AFF3: variants seen among roughly 807,000 people sequenced by gnomAD.
The protein encoded by AFF3 is AF4/FMR2 family member 3.
Under a neutral mutation model 129.7 loss-of-function variants are expected in AFF3, and 32 were observed. The ratio of observed to expected loss-of-function variants is 0.25; its 90% CI spans 0.19 to 0.33. The LOEUF is 0.33. Ranked by LOEUF, AFF3 falls within the 10% of genes least tolerant of loss-of-function variation. The probability of loss-of-function intolerance (pLI) is 1.00; values close to 1 mark genes in which losing one functional copy is unlikely to be tolerated. For synonymous variants in AFF3, 644 were observed against 635.4 expected, an observed-to-expected ratio of 1.01 and a Z score of -0.20; for missense variants, 1,373 against 1,592.0, an observed-to-expected ratio of 0.86 and a Z score of 2.34.
At chr2:100,023,452 A>T (rs1028506551) in intron 4 of AFF3, among the ~76,000 whole-genome samples, 13 of 152,196 alleles carry the variant, frequency 8.5e-5, no homozygotes, top group Non-Finnish European at 1.3e-4. Flanking sequence ...TTTCTGGGAA[A>T]CATACTAGAA....
At chr2:99,940,136 A>G (rs1202005251) in intron 7 of AFF3, among the ~76,000 whole-genome samples, 1 of 152,202 alleles carries the variant, frequency 6.6e-6, no homozygotes, top group Non-Finnish European at 1.5e-5. Context: ...CAGGGTTTCC[A>G]GACATGTGTG....
chr2:99,815,672 T>C (rs893478615), intron 8 of AFF3, among the ~76,000 whole-genome samples: 8 of 152,182 alleles, frequency 5.3e-5, no homozygotes, highest in African/African-American at 1.9e-4. Context: ...GTCTGAAGCA[T>C]ATTTTTGCTG....
intron 18 of AFF3, among the ~76,000 whole-genome samples, chr2:99,576,515 CAAAAAAA>C (rs776848009): frequency 1.6e-5 from 1 of 63,084 alleles, no homozygotes; most frequent in African/African-American, 6.2e-5. Flanking sequence ...GACCCTGTCT[CAAAAAAA>C]AAAAAAAAAA....
chr2:99,854,579 CAT>C (rs1473535567), intron 7 of AFF3, among the ~76,000 whole-genome samples: 4 of 152,148 alleles, frequency 2.6e-5, no homozygotes, highest in Non-Finnish European at 5.9e-5. Context: ...CCACTAAACA[CAT>C]AGTCATTAAT....
At chr2:100,093,603 C>G (rs924423423) in intron 4 of AFF3, among the ~76,000 whole-genome samples, 3 of 151,978 alleles carry the variant, frequency 2.0e-5, no homozygotes, top group African/African-American at 7.3e-5. Context: ...AAGTCACTTA[C>G]AAGGATTGGT....
chr2:99,982,750 A>G (rs546971260), intron 7 of AFF3, among the ~76,000 whole-genome samples: 1 of 152,354 alleles, frequency 6.6e-6, no homozygotes, highest in East Asian at 1.9e-4. Flanking sequence ...TGGAGTTTTT[A>G]ACTCATAATG....
intron 4 of AFF3, among the ~76,000 whole-genome samples, chr2:100,027,153 A>T (rs1684118124): frequency 6.6e-6 from 1 of 152,208 alleles, no homozygotes; most frequent in Non-Finnish European, 1.5e-5. Context: ...ATAGGCTTTA[A>T]TCCCAACCAA....
intron 7 of AFF3, among the ~76,000 whole-genome samples, chr2:99,851,309 T>G (rs1004313757): frequency 6.6e-6 from 1 of 152,254 alleles, no homozygotes; most frequent in Non-Finnish European, 1.5e-5. Context: ...GCTTGACTCA[T>G]CCAACTGTGT....
At chr2:99,778,988 G>C (rs574036305) in intron 8 of AFF3, among the ~76,000 whole-genome samples, 5 of 151,810 alleles carry the variant, frequency 3.3e-5, no homozygotes, top group Non-Finnish European at 5.9e-5. Flanking sequence ...CTGTGAATTA[G>C]AGATAGTTTT....
intron 17 of AFF3, among the ~76,000 whole-genome samples, chr2:99,581,954 A>G (rs1677604404): frequency 6.7e-6 from 1 of 149,876 alleles, no homozygotes; most frequent in African/African-American, 2.5e-5. Flanking sequence ...TCCCAGGTTC[A>G]AGCAATTCTA....
chr2:99,741,640 C>T (rs1206383655), intron 10 of AFF3, among the ~76,000 whole-genome samples: 1 of 152,106 alleles, frequency 6.6e-6, no homozygotes, highest in African/African-American at 2.4e-5. Context: ...AATGGCCATA[C>T]TGCCCAAGGT....
chr2:99,781,670 G>A (rs569639732), intron 8 of AFF3, among the ~76,000 whole-genome samples: 2 of 152,122 alleles, frequency 1.3e-5, no homozygotes, highest in Non-Finnish European at 2.9e-5. Context: ...TCCAGAAAAC[G>A]TTTGCTGGCT....
rs13415863 is a variant in AFF3 at position 99,701,467 on chromosome 2, T to C, written c.1091+25610A>G. On this transcript the variant is annotated intron_variant, in intron 11 of 24. Transcript: ENST00000672756. Reference sequence around the variant, plus strand: ...ACACAAAAATAGAAAGCTGCTTCTTTGAGAATGATGAGTATGTTTTCAAAA... The same window carrying C: ...ACACAAAAATAGAAAGCTGCTTCTTCGAGAATGATGAGTATGTTTTCAAAA... 6.8e-4 allele frequency among the ~76,000 whole-genome samples: 104 copies of C among 152,350 alleles called. 1 individual carries two copies. The highest frequency in any genetic ancestry group is 2.4e-3 in the African/African-American group (100 of 41,576).
intron 1 of AFF3, among the ~76,000 whole-genome samples, chr2:100,142,111 A>C (rs1037764402): frequency 6.6e-6 from 1 of 152,168 alleles, no homozygotes; most frequent in African/African-American, 2.4e-5. Flanking sequence ...GAGCAACATG[A>C]GGTTAAGACA....
Position 99,550,732 on chromosome 2 carries a change from AG to A in AFF3, c.*741del, listed in dbSNP as rs1674347054. 2 of 233,140 alleles carry A rather than the reference AG, an allele frequency of 8.6e-6. No homozygotes were observed. Among genetic ancestry groups the A allele is most frequent in the East Asian group, 1.2e-4 (2 of 16,564 alleles). 14.4% of individuals were successfully genotyped at this position (233,140 alleles called of 1,614,324 possible). Reference sequence around the variant, plus strand: ...AGACGCCGCGTTTTTGCTAAATCTCAGTGCCATTTGCATACTACTTGGAGGT... The same window carrying A: ...AGACGCCGCGTTTTTGCTAAATCTCATGCCATTTGCATACTACTTGGAGGT... On this transcript the variant is annotated 3_prime_UTR_variant, in exon 25 of 25. Coordinates refer to ENST00000672756, the MANE Select transcript of AFF3 (RefSeq NM_001386135.1).
intron 7 of AFF3, among the ~76,000 whole-genome samples, chr2:99,995,494 TC>T (rs755060730): frequency 2.0e-5 from 3 of 152,054 alleles, no homozygotes; most frequent in Non-Finnish European, 2.9e-5. Flanking sequence ...TGCCTCAACT[TC>T]CCGAGTAGCT....
intron 7 of AFF3, among the ~76,000 whole-genome samples, chr2:99,895,413 T>C (rs112966501): frequency 1.5e-3 from 236 of 152,318 alleles, no homozygotes; most frequent in African/African-American, 5.5e-3. Flanking sequence ...TTTAAAAAGA[T>C]GATATGCTGA....
At chr2:99,836,747 T>G (rs1024464229) in intron 8 of AFF3, among the ~76,000 whole-genome samples, 8 of 152,156 alleles carry the variant, frequency 5.3e-5, no homozygotes, top group Non-Finnish European at 1.2e-4. Context: ...CCATCTGGCC[T>G]AATTTGTCTT....
intron 8 of AFF3, among the ~76,000 whole-genome samples, chr2:99,825,206 G>A (rs1366766): frequency 0.88 from 133,921 of 152,272 alleles, 59,041 homozygotes; most frequent in African/African-American, 0.95. Context: ...AGGTTATAAT[G>A]AACTAAATGA....
Sources: allele counts gnomAD v4.1 joint callset (sites outside exome capture counted in the v4.1 genomes callset), GRCh38; gene constraint gnomAD v4.1.1; transcripts MANE v1.5; gene names NCBI Gene and HGNC (gene_info 2026-07-23, HGNC 2026-07-21).